DOCK10: variants seen among roughly 807,000 people sequenced by gnomAD.
The protein encoded by DOCK10 is dedicator of cytokinesis protein 10.
In DOCK10, 145 loss-of-function variants were observed where a neutral mutation model predicts 280.1. That is an observed-to-expected ratio of 0.52 (90% CI 0.45 to 0.59). DOCK10 has a LOEUF of 0.59. DOCK10 is among the 20% of genes least tolerant of loss of function. DOCK10 has a pLI of 0.00. For synonymous variants in DOCK10, 915 were observed against 942.2 expected (o/e 0.97, Z 0.53); for missense variants, 2,368 against 2,651.7 (o/e 0.89, Z 2.35).
intron 3 of DOCK10, among the ~76,000 whole-genome samples, chr2:224,908,699 A>G (rs1218651193): frequency 2.0e-5 from 3 of 152,056 alleles, no homozygotes; most frequent in Non-Finnish European, 2.9e-5. Context: ...GTCTCACTAT[A>G]TGGCCCAAGC....
intron 18 of DOCK10, among the ~76,000 whole-genome samples, chr2:224,852,029 C>T (rs1450208684): frequency 3.3e-5 from 5 of 152,072 alleles, no homozygotes; most frequent in Non-Finnish European, 7.3e-5. Context: ...GTAGACCATA[C>T]GAGGGCCGGC....
At chr2:224,983,356 G>C (rs1368348711) in intron 1 of DOCK10, 2 of 176,298 alleles carry the variant, frequency 1.1e-5, no homozygotes, top group African/African-American at 4.8e-5. Context: ...TAGTGAAAGG[G>C]AATAGGGCAG....
At chr2:224,877,769 A>G (rs570289253) in intron 7 of DOCK10, among the ~76,000 whole-genome samples, 2 of 152,354 alleles carry the variant, frequency 1.3e-5, no homozygotes, top group East Asian at 3.9e-4. Flanking sequence ...TTACAATTTT[A>G]TATATTCCTG....
intron 1 of DOCK10, among the ~76,000 whole-genome samples, chr2:225,028,755 G>A (rs962992434): frequency 6.6e-6 from 1 of 152,132 alleles, no homozygotes; most frequent in Non-Finnish European, 1.5e-5. Flanking sequence ...GGGCACAAGT[G>A]GGCCTTTCCC....
intron 3 of DOCK10, among the ~76,000 whole-genome samples, chr2:224,910,704 C>T (rs535831438): frequency 1.4e-4 from 21 of 152,310 alleles, no homozygotes; most frequent in African/African-American, 4.6e-4. Flanking sequence ...TTCTCTGGGA[C>T]CATTTCCCAG....
At chr2:224,988,970 G>A (rs1361450690) in intron 1 of DOCK10, among the ~76,000 whole-genome samples, 1 of 152,136 alleles carries the variant, frequency 6.6e-6, no homozygotes, top group Non-Finnish European at 1.5e-5. Context: ...ACACCAAAAT[G>A]CCCCCAGAAA....
intron 7 of DOCK10, among the ~76,000 whole-genome samples, chr2:224,879,247 G>T (rs1211717443): frequency 1.3e-5 from 2 of 152,100 alleles, no homozygotes; most frequent in Non-Finnish European, 2.9e-5. Flanking sequence ...ATTCCTAGAC[G>T]CCCCACTCTC....
chr2:224,897,547 C>T (rs1211650114), intron 3 of DOCK10, among the ~76,000 whole-genome samples: 3 of 152,066 alleles, frequency 2.0e-5, no homozygotes, highest in African/African-American at 4.8e-5. Flanking sequence ...ATCCCCACCT[C>T]CCCTCCACCC....
At chr2:224,850,266 T>C (rs1696646295) in intron 18 of DOCK10, among the ~76,000 whole-genome samples, 4 of 152,338 alleles carry the variant, frequency 2.6e-5, no homozygotes, top group Admixed American at 1.3e-4. Context: ...CTCTGTACTT[T>C]CACTATTTTC....
At chr2:225,015,197 T>C (rs1689557770) in intron 1 of DOCK10, among the ~76,000 whole-genome samples, 1 of 152,180 alleles carries the variant, frequency 6.6e-6, no homozygotes, top group Non-Finnish European at 1.5e-5. Flanking sequence ...ATATAGCCAA[T>C]ACATGAAAGT....
rs1268011240 is a variant in DOCK10, at chr2:224,770,288, G to A, written c.6367C>T (p.Gln2123Ter). The A allele has an allele frequency of 6.2e-7, 1 of 1,606,864 alleles. No homozygotes were observed. Among genetic ancestry groups the A allele is most frequent in the African/African-American group, 1.3e-5 (1 of 74,932 alleles). Reference sequence around the variant, plus strand: ...CTCAGTTCTTCCTGGTACTCCAGCTGGTCCTCTTTGATGAGGCGCTCATTC... The same window carrying A: ...CTCAGTTCTTCCTGGTACTCCAGCTAGTCCTCTTTGATGAGGCGCTCATTC... The part of the protein sequence containing the change: ...DVNERLIKED[Q>*]LEYQEELRSH... Residue 2123 changes from glutamine (Q) to a stop codon, truncating the protein, a stop_gained, in exon 55 of 56, where the codon CAG becomes TAG. Coordinates refer to ENST00000258390, the MANE Select transcript of DOCK10 (RefSeq NM_014689.3). LOFTEE classifies it high-confidence loss of function. The surrounding 1 kb of genome is among the most constrained non-coding windows in gnomAD (Gnocchi z 4.5).
chr2:224,833,684 T>C (rs867165599), intron 26 of DOCK10, among the ~76,000 whole-genome samples: 6 of 152,252 alleles, frequency 3.9e-5, no homozygotes, highest in Middle Eastern at 3.4e-3. Flanking sequence ...TCTGGTCTTG[T>C]TGCCCAGGCT....
intron 48 of DOCK10, 130 bp downstream of exon 48, chr2:224,788,934 C>A: frequency 1.7e-6 from 1 of 605,462 alleles, no homozygotes; most frequent in South Asian, 2.7e-5. Context: ...TTTTAGCCTG[C>A]ATTTCATTTT....
chr2:224,782,857 G>A (rs541065485), intron 50 of DOCK10, among the ~76,000 whole-genome samples: 1 of 152,288 alleles, frequency 6.6e-6, no homozygotes, highest in South Asian at 2.1e-4. Flanking sequence ...TAAAAGGTAA[G>A]TTTTACAGGG....
At chr2:225,015,914 TA>T (rs970554362) in intron 1 of DOCK10, among the ~76,000 whole-genome samples, 1 of 152,264 alleles carries the variant, frequency 6.6e-6, no homozygotes, top group African/African-American at 2.4e-5. Flanking sequence ...CTAAATAAAA[TA>T]AAATGTTACT....
intron 1 of DOCK10, among the ~76,000 whole-genome samples, chr2:224,987,853 A>G (rs1339830611): frequency 6.6e-6 from 1 of 152,220 alleles, no homozygotes; most frequent in Non-Finnish European, 1.5e-5. Flanking sequence ...ATGCTTGTCC[A>G]AATGACAGCC....
intron 1 of DOCK10, among the ~76,000 whole-genome samples, chr2:224,967,365 C>T (rs545294286): frequency 5.7e-4 from 87 of 152,226 alleles, no homozygotes; most frequent in Middle Eastern, 3.4e-3. Flanking sequence ...CAGGCGTGAG[C>T]CACCGCGCCC....
intron 40 of DOCK10, 41 bp downstream of exon 40, chr2:224,801,875 A>G: frequency 6.2e-7 from 1 of 1,604,072 alleles, no homozygotes; most frequent in Non-Finnish European, 8.5e-7. Context: ...CCTAGAGAAA[A>G]ACTGGTAACC....
At chr2:225,034,224 T>C (rs1463312284) in intron 1 of DOCK10, among the ~76,000 whole-genome samples, 2 of 152,128 alleles carry the variant, frequency 1.3e-5, no homozygotes, top group Admixed American at 6.5e-5. Context: ...AGTTATAGAG[T>C]AGTCAGGAGG....
Sources: gnomAD v4.1 joint callset for allele counts (sites outside exome capture counted in the v4.1 genomes callset) on GRCh38, gnomAD v4.1.1 for gene constraint, Gnocchi (gnomAD v3.1) non-coding constraint, MANE v1.5 for transcripts, NCBI Gene and HGNC (gene_info 2026-07-23, HGNC 2026-07-21) for gene names.